Variants in UBE3D observed in about 807,000 individuals in gnomAD.
UBE3D encodes the protein E3 ubiquitin-protein ligase E3D.
In UBE3D, 48 loss-of-function variants were observed where a neutral mutation model predicts 49.6. That is an observed-to-expected ratio of 0.97 (90% CI 0.77 to 1.23). The LOEUF (loss-of-function observed/expected upper bound fraction) is 1.23. Ranked by LOEUF, UBE3D falls within the 50% of genes most tolerant of loss-of-function variation. The pLI, the probability that UBE3D is intolerant of heterozygous loss-of-function variation, is 0.00. For missense variants in UBE3D, 452 were observed against 468.4 expected, an observed-to-expected ratio of 0.96 and a Z score of 0.32; for synonymous variants, 189 against 174.2, an observed-to-expected ratio of 1.08 and a Z score of -0.67.
At chr6:82,926,074 A>G (rs1002628612) in intron 9 of UBE3D, among the ~76,000 whole-genome samples, 34 of 152,256 alleles carry the variant, frequency 2.2e-4, no homozygotes, top group Admixed American at 1.7e-3. Context: ...TCTTTCAAAA[A>G]TATTTCCTAA....
In UBE3D at chr6:83,005,689, T is replaced by C. The variant is rs144601775; in HGVS notation, c.1010+13284A>G. Among the ~76,000 whole-genome samples the C allele has an allele frequency of 1.0e-3, 151 of 150,688 alleles. 5 individuals carry two copies. The East Asian group carries it at 0.027, about 27-fold the overall frequency. On this transcript the variant is annotated intron_variant, in intron 8 of 9. Transcript: ENST00000369747. ...CCTCAAAGAGATATTTGCACACCAATGTTCATAGCAGCACTATGCAAAATA... is the reference window on the plus strand; with the variant it reads ...CCTCAAAGAGATATTTGCACACCAACGTTCATAGCAGCACTATGCAAAATA...
chr6:83,044,331 G>A (rs574369402), intron 4 of UBE3D, 97 bp downstream of exon 4: 1 of 1,172,604 alleles, frequency 8.5e-7, no homozygotes, highest in East Asian at 2.3e-5. Flanking sequence ...GGCCTTTACA[G>A]CAGTCTATGT....
At chr6:83,053,335 G>A (rs931790084) in intron 3 of UBE3D, among the ~76,000 whole-genome samples, 5 of 152,144 alleles carry the variant, frequency 3.3e-5, no homozygotes, top group Non-Finnish European at 2.9e-5. Flanking sequence ...GGAAGGATCC[G>A]TTCACTTATA....
chr6:83,041,187 AT>A (rs1782647151), intron 4 of UBE3D, among the ~76,000 whole-genome samples: 1 of 152,110 alleles, frequency 6.6e-6, no homozygotes, highest in Admixed American at 6.5e-5. Flanking sequence ...GAAGCAGAAA[AT>A]TTTTTTTCAA....
At chr6:82,893,852 T>C (rs893584874) in intron 9 of UBE3D, 4 of 152,216 alleles carry the variant, frequency 2.6e-5, no homozygotes, top group African/African-American at 9.7e-5. Context: ...AGTCCCCGAA[T>C]GCAGTAAAAA....
At chr6:82,993,525 T>C (rs1474428943) in intron 8 of UBE3D, among the ~76,000 whole-genome samples, 1 of 152,192 alleles carries the variant, frequency 6.6e-6, no homozygotes, top group African/African-American at 2.4e-5. Flanking sequence ...CATCTCTAGA[T>C]TATTTATGAT....
At chr6:83,059,652 T>G (rs1428729798) in intron 1 of UBE3D, among the ~76,000 whole-genome samples, 1 of 152,164 alleles carries the variant, frequency 6.6e-6, no homozygotes, top group Non-Finnish European at 1.5e-5. Context: ...CCAAAAACTT[T>G]AGTCATTTTA....
At chr6:82,934,357 C>T (rs1268007582) in intron 9 of UBE3D, among the ~76,000 whole-genome samples, 4 of 152,186 alleles carry the variant, frequency 2.6e-5, no homozygotes, top group African/African-American at 9.7e-5. Flanking sequence ...TTAAACACAG[C>T]TTGTAAATCT....
intron 3 of UBE3D, among the ~76,000 whole-genome samples, chr6:83,047,090 A>G (rs374928882): frequency 1.3e-5 from 2 of 152,204 alleles, no homozygotes; most frequent in East Asian, 1.9e-4. Context: ...GCGTATTTTG[A>G]TAACTATAAT....
chr6:83,033,342 T>C (rs1053353828), intron 5 of UBE3D, among the ~76,000 whole-genome samples: 7 of 152,180 alleles, frequency 4.6e-5, no homozygotes, highest in Admixed American at 6.5e-5. Context: ...TTGGGGATTA[T>C]ATTTTATTAT....
At chr6:82,968,177 A>G (rs1001583982) in intron 8 of UBE3D, among the ~76,000 whole-genome samples, 1 of 152,170 alleles carries the variant, frequency 6.6e-6, no homozygotes, top group African/African-American at 2.4e-5. Flanking sequence ...ACATGCTTAA[A>G]AAGTTCTTAA....
chr6:82,925,417 T>C (rs1773674522), intron 9 of UBE3D, among the ~76,000 whole-genome samples: 1 of 152,164 alleles, frequency 6.6e-6, no homozygotes. Context: ...AACCTGTTTC[T>C]TCAACCTTCC....
intron 9 of UBE3D, among the ~76,000 whole-genome samples, chr6:82,906,627 T>C (rs1457087820): frequency 6.6e-6 from 1 of 152,200 alleles, no homozygotes; most frequent in Non-Finnish European, 1.5e-5. Context: ...GGAATGGTAC[T>C]TAGCCACCAC....
At chr6:82,990,770 CTCCCTCT>C (rs1778831160) in intron 8 of UBE3D, among the ~76,000 whole-genome samples, 1 of 152,318 alleles carries the variant, frequency 6.6e-6, no homozygotes, top group East Asian at 1.9e-4. Context: ...TGACCGTACT[CTCCCTCT>C]TTCCCCTCCA....
rs377646010 is a variant in UBE3D, at chr6:83,031,834, G to C, written c.667+6582C>G. ...CAGCCGCACTAGCCATGGCTAAAAG[G>C]GGCCAAGGTACAGCTCGGGCCCCGG... On this transcript the variant is annotated intron_variant, in intron 5 of 9. Transcript: ENST00000369747. 9.7e-4 allele frequency among the ~76,000 whole-genome samples: 148 copies of C among 152,304 alleles called. 3 individuals are homozygous for C. The East Asian group carries it at 0.026, about 26-fold the overall frequency.
At chr6:82,911,789 C>A (rs887217175) in intron 9 of UBE3D, among the ~76,000 whole-genome samples, 1 of 152,138 alleles carries the variant, frequency 6.6e-6, no homozygotes, top group Admixed American at 6.6e-5. Flanking sequence ...ACAACATTTA[C>A]ACTGATAATT....
chr6:83,055,125 A>C (rs1279789028), intron 2 of UBE3D, among the ~76,000 whole-genome samples: 1 of 104,790 alleles, frequency 9.5e-6, no homozygotes, highest in Non-Finnish European at 1.9e-5. Context: ...GCTATGGTAA[A>C]ACGTTGAAAG....
chr6:82,983,489 T>G (rs930973903), intron 8 of UBE3D, among the ~76,000 whole-genome samples: 8 of 152,160 alleles, frequency 5.3e-5, no homozygotes, highest in African/African-American at 7.2e-5. Flanking sequence ...AGGAATGCAC[T>G]GCCACTGGGT....
intron 8 of UBE3D, among the ~76,000 whole-genome samples, chr6:82,981,185 A>T (rs1778095053): frequency 6.6e-6 from 1 of 152,132 alleles, no homozygotes; most frequent in Admixed American, 6.6e-5. Context: ...CTCCCAGAAG[A>T]GCCAGAACTT....
Sources: allele counts gnomAD v4.1 joint callset (sites outside exome capture counted in the v4.1 genomes callset), GRCh38; gene constraint gnomAD v4.1.1; transcripts MANE v1.5; gene names NCBI Gene and HGNC (gene_info 2026-07-23, HGNC 2026-07-21).